ING1: variants seen among roughly 807,000 people sequenced by gnomAD.
The protein encoded by ING1 is inhibitor of growth family member 1.
A neutral mutation model predicts 23.1 loss-of-function variants in ING1; 4 were observed. That is an observed-to-expected ratio of 0.17 (90% confidence interval 0.09 to 0.40). The LOEUF (loss-of-function observed/expected upper bound fraction) is 0.40, where lower values mean the gene tolerates loss of function less well. Among genes scored for constraint, ING1 ranks in the 10% least tolerant of loss-of-function variants. ING1 has a pLI of 1.00. For synonymous variants in ING1, 179 were observed against 166.4 expected, an observed-to-expected ratio of 1.08 and a Z score of -0.58; for missense variants, 256 against 393.8, an observed-to-expected ratio of 0.65 and a Z score of 2.96.
chr13:110,714,767 G>T (rs1352670960), intron 1 of ING1, among the ~76,000 whole-genome samples: 3 of 152,126 alleles, frequency 2.0e-5, no homozygotes, highest in Non-Finnish European at 4.4e-5. Flanking sequence ...CTTCTTCGTC[G>T]CCCCCCACTC....
chr13:110,713,085 C>T, upstream of ING1: 1 of 1,442,364 alleles, frequency 6.9e-7, no homozygotes, highest in Non-Finnish European at 9.1e-7. Flanking sequence ...TTCCTTCCGC[C>T]TCCCGGAGGA....
At chr13:110,715,282 CAAA>C (rs370824976) in intron 1 of ING1, 33 of 1,189,934 alleles carry the variant, frequency 2.8e-5, no homozygotes, top group Non-Finnish European at 3.4e-5. Context: ...TGGGTGGGGG[CAAA>C]AAAAAAAATT....
Position 110,713,899 on chromosome 13 carries a change from G to A in ING1, c.-251G>A. On this transcript the variant is annotated 5_prime_UTR_variant, in exon 1 of 2. Transcript: ENST00000333219. ...AGCCCCGCCGCCTGAGAGGGGGCCT[G>A]CGCCGCCGGCCGGGGCGTGCGCCCG... The A allele has an allele frequency of 3.1e-6, 3 of 980,432 alleles. No homozygotes were observed. Among genetic ancestry groups the A allele is most frequent in the Non-Finnish European group, 3.6e-6 (3 of 828,644 alleles). 60.7% of individuals were successfully genotyped at this position (980,432 alleles called of 1,614,324 possible).
At position 110,722,431 on chromosome 13, in the gene ING1, TAA is replaced by T. The variant is rs1479838652; in HGVS notation, c.*2500_*2501del. ...ATTAATTGGAGGTAATAATGCAAAT[TAA>T]GTTATAGAAATGAAGATTCAATGAA... On this transcript the variant is annotated 3_prime_UTR_variant, in exon 2 of 2. Coordinates refer to ENST00000333219, the MANE Select transcript of ING1 (RefSeq NM_198219.3). The T allele has an allele frequency of 6.6e-6, 1 of 152,252 alleles. No individual in the cohort carries two copies. Among genetic ancestry groups the T allele is most frequent in the Non-Finnish European group, 1.5e-5 (1 of 68,042 alleles). The allele number at this position is 152,252 out of a possible 1,614,324, so 9.4% of individuals were successfully genotyped here. A position where few individuals can be genotyped will look rare whatever the true frequency, so the allele number is the denominator to read the frequency against.
rs763256127 is a variant in ING1 at position 110,719,731 on chromosome 13, T to C, written c.639T>C (p.Cys213=). 10 of 1,613,774 alleles carry C rather than the reference T, an allele frequency of 6.2e-6. 1 individual carries two copies. The East Asian group carries it at 1.1e-4, about 18-fold the overall frequency. ...LPIDPNEPTY[C]LCNQVSYGEM... is the part of the protein sequence containing the mutation. ...TCGACCCCAACGAACCCACGTACTG[T>C]CTGTGCAACCAGGTCTCCTATGGGG... Residue 213 remains cysteine (C), a synonymous_variant, in exon 2 of 2, where the codon TGT becomes TGC. Coordinates refer to ENST00000333219, the MANE Select transcript of ING1 (RefSeq NM_198219.3). The surrounding 1 kb of genome is among the most constrained non-coding windows in gnomAD (Gnocchi z 8.9).
chr13:110,718,398 A>AGTCTTG (rs1448235847), intron 1 of ING1, among the ~76,000 whole-genome samples: 1 of 152,250 alleles, frequency 6.6e-6, no homozygotes, highest in Non-Finnish European at 1.5e-5. Flanking sequence ...CCTGGGCGAC[A>AGTCTTG]GAGACGGACC....
intron 1 of ING1, chr13:110,715,245 G>T: frequency 7.3e-7 from 1 of 1,361,500 alleles, no homozygotes; most frequent in South Asian, 2.0e-5. Flanking sequence ...ATGTTTACAA[G>T]GCTGCGCAGT....
At chr13:110,715,989 C>A in intron 1 of ING1, 1 of 1,506,090 alleles carries the variant, frequency 6.6e-7, no homozygotes, top group Admixed American at 2.3e-5. Context: ...GAGGGTGGGG[C>A]CGCGCGTGGC....
At position 110,715,537 on chromosome 13, in the gene ING1, C is replaced by A. The variant is rs1566379095; in HGVS notation, c.136+1252C>A. Reference sequence around the variant, plus strand: ...GCCTAGCGCAATAACTGGTATGGGTCTGTGTTTCCGCTGTCTTCTTTTTTC... The same window carrying A: ...GCCTAGCGCAATAACTGGTATGGGTATGTGTTTCCGCTGTCTTCTTTTTTC... On this transcript the variant is annotated intron_variant, in intron 1 of 1. Coordinates refer to ENST00000333219, the MANE Select transcript of ING1 (RefSeq NM_198219.3). 1.9e-6 allele frequency: 3 copies of A among 1,614,038 alleles called. No individual in the cohort carries two copies. In the South Asian group the frequency reaches 3.3e-5, roughly 18 times the overall value.
At position 110,714,167 on chromosome 13, in the gene ING1, C is replaced by T; in HGVS notation, c.18C>T (p.Asn6=). The stretch of plus-strand genomic sequence containing the variant: ...GGTGAACCATGTTGAGTCCTGCCAA[C>T]GGGGAGCAGCTCCACCTGGTGAACT... MLSPA[N]GEQLHLVNYV... The change falls in exon 1 of 2, where the codon AAC becomes AAT. Residue 6 remains asparagine, a synonymous_variant. Coordinates refer to ENST00000333219, the MANE Select transcript of ING1 (RefSeq NM_198219.3). 3 of 1,550,690 alleles carry T rather than the reference C, an allele frequency of 1.9e-6. No individual in the cohort carries two copies. Among genetic ancestry groups the T allele is most frequent in the Non-Finnish European group, 2.6e-6 (3 of 1,149,348 alleles).
chr13:110,714,412 G>A, intron 1 of ING1, 127 bp downstream of exon 1: 1 of 896,878 alleles, frequency 1.1e-6, no homozygotes, highest in Non-Finnish European at 1.5e-6. Context: ...GCGGCCCTCG[G>A]CAGGGGCAGG....
chr13:110,713,265 CAG>C (rs2064058744), upstream of ING1: 10 of 1,327,502 alleles, frequency 7.5e-6, no homozygotes, highest in African/African-American at 5.9e-5. Context: ...GACGAAGAGT[CAG>C]GGGCTGAGGA....
At position 110,719,773 on chromosome 13, in the gene ING1, C is replaced by T. The variant is rs1340401568; in HGVS notation, c.681C>T (p.Asp227=). ...QVSYGEMIGC[D]NDECPIEWFH... is the part of the protein sequence containing the mutation. ...CCTATGGGGAGATGATCGGCTGCGA[C>T]AACGACGAGTGCCCCATCGAGTGGT... The change falls in exon 2 of 2, where the codon GAC becomes GAT. Residue 227 remains aspartate, a synonymous_variant. Transcript: ENST00000333219. The surrounding 1 kb of genome is among the most constrained non-coding windows in gnomAD (Gnocchi z 8.9). 6.2e-7 allele frequency: 1 copy of T among 1,614,030 alleles called. No homozygotes were observed. The highest frequency in any genetic ancestry group is 1.1e-5 in the South Asian group (1 of 91,078).
chr13:110,715,853 G>T (rs376329649), intron 1 of ING1: 59 of 1,594,700 alleles, frequency 3.7e-5, no homozygotes, highest in African/African-American at 1.2e-4. Context: ...ACTTTCGGGC[G>T]CGGATTTATA....
At chr13:110,712,963 C>A (rs115915862), upstream of ING1, 1 of 1,559,978 alleles carries the variant, frequency 6.4e-7, no homozygotes, top group East Asian at 2.4e-5. Flanking sequence ...GAGTGGTGGT[C>A]CGGCCGCGGA....
upstream of ING1, chr13:110,712,632 G>A (rs1029334769): frequency 1.5e-5 from 8 of 551,472 alleles, no homozygotes; most frequent in African/African-American, 7.5e-5. Flanking sequence ...GGAGGGTAGA[G>A]GGGCGACGCG....
At chr13:110,713,200 T>A (rs141699050), upstream of ING1, 1,146 of 1,423,290 alleles carry the variant, frequency 8.1e-4, 14 homozygotes, top group African/African-American at 0.015. Context: ...GTAGATTGGC[T>A]ACTGCGGTTG....
chr13:110,714,599 C>G (rs1025619638), intron 1 of ING1, among the ~76,000 whole-genome samples: 2 of 152,128 alleles, frequency 1.3e-5, no homozygotes, highest in African/African-American at 2.4e-5. Context: ...CAAGCCGCGT[C>G]CTCTAGGAGG....
chr13:110,712,655 C>G (rs1451189404), upstream of ING1: 1 of 606,486 alleles, frequency 1.6e-6, no homozygotes, highest in Non-Finnish European at 3.1e-6. Flanking sequence ...GGAGGGCGGT[C>G]CGGGGAGCTG....
Sources: gnomAD v4.1 joint callset for allele counts (sites outside exome capture counted in the v4.1 genomes callset) on GRCh38, gnomAD v4.1.1 for gene constraint, Gnocchi (gnomAD v3.1) non-coding constraint, MANE v1.5 for transcripts, NCBI Gene and HGNC (gene_info 2026-07-23, HGNC 2026-07-21) for gene names.